Variants in RANBP17 observed in about 807,000 individuals in gnomAD.
RANBP17 encodes RAN binding protein 17, also known as ran-binding protein 17.
A neutral mutation model predicts 141.2 loss-of-function variants in RANBP17; 158 were observed. That is an observed-to-expected ratio of 1.12 (90% confidence interval 0.98 to 1.28). The LOEUF (loss-of-function observed/expected upper bound fraction) is 1.28. Ranked by LOEUF, RANBP17 falls within the 50% of genes most tolerant of loss-of-function variation. RANBP17 has a pLI of 0.00. For missense variants in RANBP17, 1,438 were observed against 1,290.7 expected (o/e 1.11, Z -1.75); for synonymous variants, 430 against 450.0 (o/e 0.96, Z 0.56).
intron 14 of RANBP17, among the ~76,000 whole-genome samples, chr5:171,028,233 A>G (rs1413949600): frequency 6.6e-6 from 1 of 152,124 alleles, no homozygotes; most frequent in Non-Finnish European, 1.5e-5. Context: ...TCATATGTGT[A>G]AGAAAGACAC....
At position 171,199,743 on chromosome 5, in the gene RANBP17, C is replaced by A; in HGVS notation, c.2112C>A (p.Phe704Leu). The change falls in exon 19 of 28, where the codon TTC becomes TTA. Residue 704 changes from phenylalanine (F) to leucine (L), a missense_variant. Coordinates refer to ENST00000523189, the MANE Select transcript of RANBP17 (RefSeq NM_022897.5). Reference protein sequence around the residue: ...TVAFETVLQIFNNNFKQEDVK... With the variant: ...TVAFETVLQILNNNFKQEDVK... The stretch of plus-strand genomic sequence containing the variant: ...CTTTTGAAACAGTATTACAAATATT[C>A]AACAACAACTTTAAACAAGAAGATG... 6.2e-7 allele frequency: 1 copy of A among 1,606,888 alleles called. No homozygotes were observed. Among genetic ancestry groups the A allele is most frequent in the Non-Finnish European group, 8.5e-7 (1 of 1,175,028 alleles).
At chr5:170,908,509 C>T (rs753534606) in intron 5 of RANBP17, among the ~76,000 whole-genome samples, 1 of 151,100 alleles carries the variant, frequency 6.6e-6, no homozygotes, top group Non-Finnish European at 1.5e-5. Flanking sequence ...CTGGGGACTA[C>T]TAGATAGGGG....
In RANBP17 at chr5:170,955,743, T is replaced by C. The variant is rs530726742; in HGVS notation, c.1574+2041T>C. Among the ~76,000 whole-genome samples, 415 of 143,090 alleles carry C rather than the reference T, an allele frequency of 2.9e-3. 2 individuals are homozygous for C. The highest frequency in any genetic ancestry group is 4.8e-3 in the Non-Finnish European group (319 of 66,000). The allele number at this position is 143,090 out of a possible 152,430, so 93.9% of individuals were successfully genotyped here. On this transcript the variant is annotated intron_variant, in intron 13 of 27. Transcript: ENST00000523189. ...GAAATTATTTCAATCTACATAAAGA[T>C]ATAATTAAAAATAATTTAGTTATAT...
chr5:170,875,817 A>G (rs1368142357), intron 1 of RANBP17, among the ~76,000 whole-genome samples: 1 of 152,164 alleles, frequency 6.6e-6, no homozygotes, highest in African/African-American at 2.4e-5. Context: ...CATTTGGAGA[A>G]GAAGCACTCT....
At chr5:171,116,230 T>G (rs1475973832) in intron 14 of RANBP17, among the ~76,000 whole-genome samples, 1 of 152,150 alleles carries the variant, frequency 6.6e-6, no homozygotes, top group Non-Finnish European at 1.5e-5. Context: ...CAGCTATTAC[T>G]GAAATAAAAC....
intron 12 of RANBP17, among the ~76,000 whole-genome samples, chr5:170,931,379 G>T (rs1228565116): frequency 6.6e-6 from 1 of 152,080 alleles, no homozygotes; most frequent in Non-Finnish European, 1.5e-5. Context: ...TCACTCTGAT[G>T]GTAGTTTCTT....
At chr5:171,271,561 T>C (rs1270158028) in intron 25 of RANBP17, 1 of 209,662 alleles carries the variant, frequency 4.8e-6, no homozygotes, top group Non-Finnish European at 9.7e-6. Context: ...TCAGATTTTC[T>C]AATGTTAATA....
intron 14 of RANBP17, among the ~76,000 whole-genome samples, chr5:171,026,377 T>C (rs974242045): frequency 3.9e-5 from 6 of 152,222 alleles, no homozygotes; most frequent in Non-Finnish European, 5.9e-5. Context: ...TCAAACCTAA[T>C]TGATCTTTCT....
intron 20 of RANBP17, among the ~76,000 whole-genome samples, chr5:171,210,839 T>C (rs576904161): frequency 2.6e-5 from 4 of 152,058 alleles, no homozygotes; most frequent in Non-Finnish European, 5.9e-5. Context: ...ACCCCGTCTC[T>C]ACTAAAAATA....
At chr5:170,875,737 C>T (rs1768125051) in intron 1 of RANBP17, among the ~76,000 whole-genome samples, 1 of 152,056 alleles carries the variant, frequency 6.6e-6, no homozygotes, top group Non-Finnish European at 1.5e-5. Flanking sequence ...GCTTCTGAAG[C>T]CTACTTCTGT....
chr5:171,014,763 T>C (rs1780319184), intron 14 of RANBP17, among the ~76,000 whole-genome samples: 4 of 152,038 alleles, frequency 2.6e-5, no homozygotes. Context: ...TTCATTCCTT[T>C]TGTGCAGATC....
intron 5 of RANBP17, among the ~76,000 whole-genome samples, chr5:170,906,600 T>G (rs1173439545): frequency 1.3e-5 from 2 of 152,016 alleles, no homozygotes; most frequent in African/African-American, 4.8e-5. Context: ...TGTGAAAAGG[T>G]ACTTAAGTCT....
chr5:171,184,569 A>G (rs2127923633), intron 18 of RANBP17, among the ~76,000 whole-genome samples: 1 of 152,334 alleles, frequency 6.6e-6, no homozygotes, highest in East Asian at 1.9e-4. Context: ...ATAGTTAATA[A>G]CAATATATTG....
At chr5:171,223,050 T>C (rs941616179) in intron 22 of RANBP17, among the ~76,000 whole-genome samples, 3 of 152,242 alleles carry the variant, frequency 2.0e-5, no homozygotes, top group African/African-American at 7.2e-5. Context: ...CTTGTCACTT[T>C]TTTTAAAGTA....
At chr5:170,966,028 C>T (rs965896778) in intron 13 of RANBP17, among the ~76,000 whole-genome samples, 1 of 152,046 alleles carries the variant, frequency 6.6e-6, no homozygotes, top group African/African-American at 2.4e-5. Flanking sequence ...CAATAACAGG[C>T]TCTGAAATTG....
rs1191265176 is a variant in RANBP17, at chr5:171,089,162, T to A, written c.1711-80968T>A. Among the ~76,000 whole-genome samples, 322 of 149,298 alleles carry A rather than the reference T, an allele frequency of 2.2e-3. 6 individuals carry two copies. The South Asian group carries it at 0.026, about 12-fold the overall frequency. On this transcript the variant is annotated intron_variant, in intron 14 of 27. Transcript: ENST00000523189. ...TTTCGGTGTGGATGTCCTTTCTGTT[T>A]GTTTTCCTTCTAACAGACAGGACCC...
intron 14 of RANBP17, among the ~76,000 whole-genome samples, chr5:171,036,863 A>G (rs964082449): frequency 6.6e-6 from 1 of 152,186 alleles, no homozygotes; most frequent in Non-Finnish European, 1.5e-5. Flanking sequence ...GATTGATTCC[A>G]CATCATTGCT....
chr5:171,195,901 A>G (rs954140856), intron 18 of RANBP17, among the ~76,000 whole-genome samples: 6 of 152,200 alleles, frequency 3.9e-5, no homozygotes, highest in Non-Finnish European at 8.8e-5. Flanking sequence ...AGAGCCACAT[A>G]AGTGTTTTTT....
intron 14 of RANBP17, among the ~76,000 whole-genome samples, chr5:171,140,075 C>T (rs945957289): frequency 6.6e-6 from 1 of 152,164 alleles, no homozygotes; most frequent in Non-Finnish European, 1.5e-5. Flanking sequence ...CCCCTTTCAC[C>T]GTTATTTCCT....
Sources: allele counts gnomAD v4.1 joint callset (sites outside exome capture counted in the v4.1 genomes callset), GRCh38; gene constraint gnomAD v4.1.1; transcripts MANE v1.5; gene names NCBI Gene and HGNC (gene_info 2026-07-23, HGNC 2026-07-21).